The following CTXND1 variants were observed in gnomAD, a reference collection of about 807,000 sequenced individuals.
CTXND1 encodes the protein cortexin domain containing 1, also known as cortexin domain-containing 1 protein.
At chr15:80,205,296 G>A (rs1893136739) in intron 1 of CTXND1, among the ~76,000 whole-genome samples, 1 of 152,166 alleles carries the variant, frequency 6.6e-6, no homozygotes, top group Non-Finnish European at 1.5e-5. Flanking sequence ...ATGTATTGAT[G>A]GAGTAAATGT....
chr15:80,219,965 A>G lies in CTXND1; in HGVS notation c.-217-16225T>C, dbSNP rs114241434. Among the ~76,000 whole-genome samples the G allele has an allele frequency of 3.9e-3, 591 of 152,090 alleles. 3 individuals are homozygous for G. The highest frequency in any genetic ancestry group is 0.014 in the African/African-American group (566 of 41,498). On this transcript the variant is annotated intron_variant, in intron 1 of 2. Transcript: ENST00000560778. ...CCCGCAATCTGTGGCTTGTTTTTCA[A>G]ATTTGTTCTTAGAATCCTATTTGTT...
Position 80,209,600 on chromosome 15 carries a change from A to G in CTXND1, c.-217-5860T>C, listed in dbSNP as rs532044711. On this transcript the variant is annotated intron_variant, in intron 1 of 2. Transcript: ENST00000560778. ...TGAAGGTGTAAGGTTGGGTTGTAGC[A>G]GATCCAAGTGGAAAAGAGTCCTGCC... Among the ~76,000 whole-genome samples, 8 of 152,362 alleles carry G rather than the reference A, an allele frequency of 5.3e-5. No homozygotes were observed. In the East Asian group the frequency reaches 1.2e-3, roughly 22 times the overall value.
At chr15:80,246,949 G>T (rs1040070801) in intron 1 of CTXND1, among the ~76,000 whole-genome samples, 2 of 152,154 alleles carry the variant, frequency 1.3e-5, no homozygotes, top group South Asian at 2.1e-4. Context: ...ATTTTCCCAG[G>T]CCTGCTGTGT....
chr15:80,243,801 C>A (rs1893597669), intron 1 of CTXND1, among the ~76,000 whole-genome samples: 1 of 152,146 alleles, frequency 6.6e-6, no homozygotes, highest in Admixed American at 6.5e-5. Context: ...GTCTCTGTAC[C>A]CTTCTCATGA....
chr15:80,223,648 G>A (rs1364984089), intron 1 of CTXND1, among the ~76,000 whole-genome samples: 1 of 152,078 alleles, frequency 6.6e-6, no homozygotes, highest in African/African-American at 2.4e-5. Flanking sequence ...TTTCCATGGT[G>A]GATGGACAAA....
At chr15:80,229,400 T>C (rs900147118) in intron 1 of CTXND1, among the ~76,000 whole-genome samples, 1 of 152,226 alleles carries the variant, frequency 6.6e-6, no homozygotes, top group African/African-American at 2.4e-5. Flanking sequence ...TGTGTGAGAA[T>C]GGACTCCCTT....
intron 1 of CTXND1, among the ~76,000 whole-genome samples, chr15:80,233,707 C>T (rs894949989): frequency 2.0e-5 from 3 of 152,242 alleles, no homozygotes; most frequent in Admixed American, 6.5e-5. Context: ...CCCACAGCGA[C>T]TCAGACAAAC....
chr15:80,205,437 A>G (rs140186336), intron 1 of CTXND1, among the ~76,000 whole-genome samples: 5 of 152,214 alleles, frequency 3.3e-5, no homozygotes, highest in Non-Finnish European at 7.3e-5. Context: ...GGTTGTACCT[A>G]TGTAAGCTTC....
intron 1 of CTXND1, among the ~76,000 whole-genome samples, chr15:80,205,008 C>T (rs1274545522): frequency 6.6e-6 from 1 of 152,198 alleles, no homozygotes; most frequent in Non-Finnish European, 1.5e-5. Context: ...CTACTGTTGT[C>T]AGGTCTTTAT....
intron 1 of CTXND1, among the ~76,000 whole-genome samples, chr15:80,210,795 A>C (rs1893196040): frequency 6.6e-6 from 1 of 152,172 alleles, no homozygotes; most frequent in African/African-American, 2.4e-5. Context: ...ACAGATCTGG[A>C]GGCTGGAATT....
intron 1 of CTXND1, among the ~76,000 whole-genome samples, chr15:80,208,487 T>A (rs139013336): frequency 6.6e-6 from 1 of 152,334 alleles, no homozygotes; most frequent in Admixed American, 6.5e-5. Flanking sequence ...TTTGAGAAAT[T>A]TAAGACCTAG....
At chr15:80,207,991 G>A (rs1893168009) in intron 1 of CTXND1, among the ~76,000 whole-genome samples, 1 of 152,230 alleles carries the variant, frequency 6.6e-6, no homozygotes, top group South Asian at 2.1e-4. Flanking sequence ...ATTCTGCGCT[G>A]TGGAATGCAA....
In CTXND1 at chr15:80,204,169, AATAT is replaced by A. The variant is rs1282033532; in HGVS notation, c.-217-433_-217-430del. ...CTCAAAAAAAAAAAAAAAAAAAAAAAATATATATATATATATATATATATATATA... is the reference window on the plus strand; with the variant it reads ...CTCAAAAAAAAAAAAAAAAAAAAAAAATATATATATATATATATATATATA... On this transcript the variant is annotated intron_variant, in intron 1 of 2. Transcript: ENST00000560778. Among the ~76,000 whole-genome samples, 542 of 64,946 alleles carry A rather than the reference AATAT, an allele frequency of 8.3e-3. 18 individuals carry two copies. The highest frequency in any genetic ancestry group is 0.017 in the Middle Eastern group (1 of 60). 42.6% of individuals were successfully genotyped at this position (64,946 alleles called of 152,430 possible). A position where few individuals can be genotyped will look rare whatever the true frequency, so the allele number is the denominator to read the frequency against.
At chr15:80,210,691 C>A (rs933771213) in intron 1 of CTXND1, among the ~76,000 whole-genome samples, 4 of 152,224 alleles carry the variant, frequency 2.6e-5, no homozygotes. Flanking sequence ...TGATGTATTT[C>A]CTTATTTCTG....
At position 80,203,661 on chromosome 15, in the gene CTXND1, C is replaced by G. The variant is rs1893111862; in HGVS notation, c.-138G>C. 1 of 152,412 alleles carries G rather than the reference C, an allele frequency of 6.6e-6. No individual in the cohort carries two copies. The highest frequency in any genetic ancestry group is 1.5e-5 in the Non-Finnish European group (1 of 68,258). The allele number at this position is 152,412 out of a possible 1,614,324, so 9.4% of individuals were successfully genotyped here. A position where few individuals can be genotyped will look rare whatever the true frequency, so the allele number is the denominator to read the frequency against. ...GGAGGCACGAGGAGCGGTCAGGCAT[C>G]ATGGGGGTCACCCAAGGAGAACAGT... On this transcript the variant is annotated 5_prime_UTR_variant, in exon 2 of 3. It removes an upstream start codon present in the reference 5' UTR. Coordinates refer to ENST00000560778, the MANE Select transcript of CTXND1 (RefSeq NM_001352888.2).
At chr15:80,241,143 A>G (rs1456024786) in intron 1 of CTXND1, among the ~76,000 whole-genome samples, 1 of 152,224 alleles carries the variant, frequency 6.6e-6, no homozygotes, top group African/African-American at 2.4e-5. Context: ...CCGGCCAACA[A>G]GAGCTAAGCG....
intron 2 of CTXND1, 131 bp from the exon 3 acceptor site, chr15:80,202,145 C>A: frequency 2.6e-6 from 1 of 386,950 alleles, no homozygotes; most frequent in East Asian, 3.7e-5. Context: ...GACCACCCTG[C>A]AGGAGGGTAG....
In CTXND1 at chr15:80,197,605, C is replaced by T. The variant is rs1439527213; in HGVS notation, c.*4165G>A. The T allele has an allele frequency of 6.6e-6, 1 of 152,222 alleles. No homozygotes were observed. The highest frequency in any genetic ancestry group is 2.1e-4 in the South Asian group (1 of 4,838). The allele number at this position is 152,222 out of a possible 1,614,324, so 9.4% of individuals were successfully genotyped here. A position where few individuals can be genotyped will look rare whatever the true frequency, so the allele number is the denominator to read the frequency against. ...GGCTGTGTGTCCCTCTGGACACAGGCAACCTGTCTTTGTGCTATGATTGGA... is the reference window on the plus strand; with the variant it reads ...GGCTGTGTGTCCCTCTGGACACAGGTAACCTGTCTTTGTGCTATGATTGGA... On this transcript the variant is annotated 3_prime_UTR_variant, in exon 3 of 3. Transcript: ENST00000560778.
At chr15:80,203,991 T>C (rs1301568698) in intron 1 of CTXND1, among the ~76,000 whole-genome samples, 1 of 150,514 alleles carries the variant, frequency 6.6e-6, no homozygotes, top group African/African-American at 2.4e-5. Flanking sequence ...TGAAATCCTG[T>C]CTCTACAAAA....
Sources: allele counts gnomAD v4.1 joint callset (sites outside exome capture counted in the v4.1 genomes callset), GRCh38; gene constraint gnomAD v4.1.1; transcripts MANE v1.5; gene names NCBI Gene and HGNC (gene_info 2026-07-23, HGNC 2026-07-21).